CADPS2: variants seen among roughly 807,000 people sequenced by gnomAD.
CADPS2 encodes calcium dependent secretion activator 2, also known as calcium-dependent secretion activator 2.
In CADPS2, 93 loss-of-function variants were observed where a neutral mutation model predicts 172.5. The observed-to-expected ratio is 0.54, with a 90% CI of 0.46 to 0.64. The LOEUF is 0.64. CADPS2 is among the 30% of genes least tolerant of loss of function. The pLI, the probability that CADPS2 is intolerant of heterozygous loss-of-function variation, is 0.00. For missense variants in CADPS2, 1,420 were observed against 1,565.9 expected (o/e 0.91, Z 1.57); for synonymous variants, 546 against 555.2 (o/e 0.98, Z 0.23).
chr7:122,581,335 T>G, intron 6 of CADPS2, 45 bp from the exon 7 acceptor site: 1 of 1,505,624 alleles, frequency 6.6e-7, no homozygotes, highest in Non-Finnish European at 9.2e-7. Flanking sequence ...CAGCATTATT[T>G]TTTTCCCCAA....
chr7:122,391,345 G>A (rs568107857), intron 22 of CADPS2, among the ~76,000 whole-genome samples: 1 of 152,002 alleles, frequency 6.6e-6, no homozygotes, highest in East Asian at 1.9e-4. Flanking sequence ...TTTAAAAAAG[G>A]GCCCTCAATA....
chr7:122,624,698 G>A (rs1000342280), intron 4 of CADPS2, among the ~76,000 whole-genome samples: 6 of 152,136 alleles, frequency 3.9e-5, no homozygotes, highest in Non-Finnish European at 8.8e-5. Context: ...AGAAAAGGGA[G>A]GGAGTCTACA....
intron 3 of CADPS2, among the ~76,000 whole-genome samples, chr7:122,634,064 T>C (rs1466164258): frequency 6.6e-6 from 1 of 152,212 alleles, no homozygotes; most frequent in South Asian, 2.1e-4. Context: ...CTGTTTGCTA[T>C]GCAGCTGGAT....
chr7:122,612,875 C>T (rs1374548972), intron 6 of CADPS2, among the ~76,000 whole-genome samples: 2 of 151,864 alleles, frequency 1.3e-5, no homozygotes, highest in Non-Finnish European at 2.9e-5. Context: ...AATTGAGAGT[C>T]CAGAAACAAA....
At chr7:122,642,525 A>G (rs2077777184) in intron 3 of CADPS2, among the ~76,000 whole-genome samples, 1 of 145,812 alleles carries the variant, frequency 6.9e-6, no homozygotes, top group Non-Finnish European at 1.5e-5. Flanking sequence ...AGCATAAAAT[A>G]ACTACTAAGT....
chr7:122,480,825 A>G, intron 12 of CADPS2, 27 bp downstream of exon 12: 1 of 1,474,488 alleles, frequency 6.8e-7, no homozygotes, highest in Non-Finnish European at 9.1e-7. Flanking sequence ...TAAAACATCT[A>G]ATTTTAAAAA....
At chr7:122,400,206 C>A (rs955985950) in intron 20 of CADPS2, among the ~76,000 whole-genome samples, 1 of 151,722 alleles carries the variant, frequency 6.6e-6, no homozygotes, top group Non-Finnish European at 1.5e-5. Context: ...GAGGCCGAGG[C>A]GGGTGGATCA....
intron 3 of CADPS2, among the ~76,000 whole-genome samples, chr7:122,637,096 T>G (rs1313632178): frequency 6.6e-6 from 1 of 151,366 alleles, no homozygotes; most frequent in Middle Eastern, 3.2e-3. Context: ...GAAGAACTTG[T>G]CTTTAAGCTC....
chr7:122,387,829 G>A (rs774680061), intron 23 of CADPS2, among the ~76,000 whole-genome samples: 1 of 151,676 alleles, frequency 6.6e-6, no homozygotes, highest in Non-Finnish European at 1.5e-5. Flanking sequence ...CCTAATCCAG[G>A]GCCTTGCCTT....
At chr7:122,672,981 G>A (rs2082017304) in intron 2 of CADPS2, among the ~76,000 whole-genome samples, 1 of 152,180 alleles carries the variant, frequency 6.6e-6, no homozygotes, top group South Asian at 2.1e-4. Flanking sequence ...TCCTTCTGGT[G>A]GGTTCGTGGT....
At position 122,717,645 on chromosome 7, in the gene CADPS2, C is replaced by T. The variant is rs151045502; in HGVS notation, c.453+19310G>A. On this transcript the variant is annotated intron_variant, in intron 2 of 29. Coordinates refer to ENST00000449022, the MANE Select transcript of CADPS2 (RefSeq NM_017954.11). The stretch of plus-strand genomic sequence containing the variant: ...GAAAATCTTCTTATACAACCTGCAG[C>T]AACCGAAATCTTTCCATCCCTTTCA... Among the ~76,000 whole-genome samples the T allele has an allele frequency of 1.8e-3, 271 of 152,244 alleles. 3 individuals are homozygous for T. Among genetic ancestry groups the T allele is most frequent in the East Asian group, 7.0e-3 (36 of 5,160 alleles).
intron 3 of CADPS2, among the ~76,000 whole-genome samples, chr7:122,631,149 G>C (rs1016211886): frequency 4.6e-5 from 7 of 152,020 alleles, no homozygotes; most frequent in African/African-American, 1.2e-4. Flanking sequence ...TACTTCAAAT[G>C]CACTAAATGT....
At chr7:122,588,354 C>A (rs1381967148) in intron 6 of CADPS2, among the ~76,000 whole-genome samples, 2 of 151,912 alleles carry the variant, frequency 1.3e-5, no homozygotes, top group Non-Finnish European at 2.9e-5. Flanking sequence ...AATCTTTAAT[C>A]CATCTTGAGT....
At chr7:122,600,304 G>C (rs1227490489) in intron 6 of CADPS2, among the ~76,000 whole-genome samples, 2 of 152,060 alleles carry the variant, frequency 1.3e-5, no homozygotes, top group African/African-American at 4.8e-5. Context: ...TCTTTCTAAA[G>C]ATCCCACCAA....
intron 1 of CADPS2, among the ~76,000 whole-genome samples, chr7:122,818,451 C>T (rs1584604224): frequency 6.6e-6 from 1 of 152,248 alleles, no homozygotes; most frequent in East Asian, 1.9e-4. Context: ...TCAGTCCCTT[C>T]CTAGTCTCTG....
chr7:122,638,140 C>T (rs953243433), intron 3 of CADPS2, among the ~76,000 whole-genome samples: 17 of 152,268 alleles, frequency 1.1e-4, no homozygotes, highest in Admixed American at 5.2e-4. Context: ...ACTGGCACCA[C>T]GTCCACATTT....
intron 8 of CADPS2, among the ~76,000 whole-genome samples, chr7:122,551,582 T>C (rs1196260701): frequency 1.3e-5 from 2 of 152,132 alleles, no homozygotes; most frequent in Non-Finnish European, 2.9e-5. Flanking sequence ...AATAGGTTTT[T>C]ACTACTGAAG....
intron 25 of CADPS2, chr7:122,369,834 C>T (rs1296447051): frequency 6.6e-6 from 1 of 152,190 alleles, no homozygotes; most frequent in Non-Finnish European, 1.5e-5. Context: ...GACCAAGTAA[C>T]AGCTTCTACA....
At chr7:122,681,379 G>A (rs1044469760) in intron 2 of CADPS2, 64 of 1,501,350 alleles carry the variant, frequency 4.3e-5, no homozygotes, top group African/African-American at 8.2e-5. Flanking sequence ...CAACCTGTTC[G>A]CTGTACTAAC....
Sources: gnomAD v4.1 joint callset for allele counts (sites outside exome capture counted in the v4.1 genomes callset) on GRCh38, gnomAD v4.1.1 for gene constraint, MANE v1.5 for transcripts, NCBI Gene and HGNC (gene_info 2026-07-23, HGNC 2026-07-21) for gene names.